NOXRED1: variants seen among roughly 807,000 people sequenced by gnomAD.
NOXRED1 encodes NADP dependent oxidoreductase domain containing 1.
NOXRED1 carries 20 observed loss-of-function variants against 30.4 expected under a neutral mutation model. That is an observed-to-expected ratio of 0.66 (90% CI 0.46 to 0.96). The LOEUF is 0.96. Ranked by LOEUF, NOXRED1 falls within the 40% of genes least tolerant of loss-of-function variation. The pLI is 0.00. For missense variants in NOXRED1, 374 were observed against 428.0 expected, an observed-to-expected ratio of 0.87 and a Z score of 1.11; for synonymous variants, 155 against 168.0, an observed-to-expected ratio of 0.92 and a Z score of 0.60.
upstream of NOXRED1, among the ~76,000 whole-genome samples, chr14:77,424,748 T>C (rs114302239): frequency 1.4e-3 from 206 of 152,356 alleles, no homozygotes; most frequent in African/African-American, 4.6e-3. Flanking sequence ...TTTTGTATTA[T>C]GTCACCTTGG....
chr14:77,400,383 A>G (rs1894295510), intron 5 of NOXRED1, among the ~76,000 whole-genome samples: 1 of 152,248 alleles, frequency 6.6e-6, no homozygotes, highest in Non-Finnish European at 1.5e-5. Flanking sequence ...CAGTCAATTT[A>G]GAAAGTTTAT....
At chr14:77,422,221 A>C (rs759575359) in intron 1 of NOXRED1, among the ~76,000 whole-genome samples, 2 of 152,204 alleles carry the variant, frequency 1.3e-5, no homozygotes, top group Non-Finnish European at 2.9e-5. Context: ...CTGAAGCCAT[A>C]TTGTAGAAAG....
At chr14:77,403,877 G>A (rs571336133) in intron 5 of NOXRED1, among the ~76,000 whole-genome samples, 3 of 152,070 alleles carry the variant, frequency 2.0e-5, no homozygotes, top group Non-Finnish European at 2.9e-5. Flanking sequence ...TCTAGAAGCT[G>A]AAAGACAATG....
upstream of NOXRED1, among the ~76,000 whole-genome samples, chr14:77,423,809 G>A (rs1020385916): frequency 5.9e-5 from 9 of 151,952 alleles, no homozygotes; most frequent in African/African-American, 2.2e-4. Context: ...CCTTCTTTTT[G>A]TGTTCAAGAA....
At chr14:77,414,574 T>G (rs1489899296) in intron 1 of NOXRED1, among the ~76,000 whole-genome samples, 2 of 152,224 alleles carry the variant, frequency 1.3e-5, no homozygotes, top group Non-Finnish European at 2.9e-5. Flanking sequence ...ACATTTCAAC[T>G]GTGTGTCATT....
At chr14:77,411,446 G>A (rs1894646089) in intron 2 of NOXRED1, among the ~76,000 whole-genome samples, 1 of 148,802 alleles carries the variant, frequency 6.7e-6, no homozygotes, top group Non-Finnish European at 1.5e-5. Flanking sequence ...CTCCAGCCTG[G>A]GTGACAGAGT....
At chr14:77,412,031 G>A (rs1054698995) in intron 2 of NOXRED1, among the ~76,000 whole-genome samples, 11 of 147,848 alleles carry the variant, frequency 7.4e-5, no homozygotes, top group African/African-American at 2.3e-4. Context: ...GGAGGCAGAG[G>A]TTGCAGTGAG....
chr14:77,408,892 A>ATTTTTTTTTTTTATTTTTTTTTT (rs1894557117), intron 2 of NOXRED1, among the ~76,000 whole-genome samples: 1 of 68,152 alleles, frequency 1.5e-5, no homozygotes, highest in Non-Finnish European at 2.7e-5. Flanking sequence ...CTGGTAGTTA[A>ATTTTTTTTTTTTATTTTTTTTTT]TTTTTTTTTT....
At chr14:77,404,751 T>C (rs1320149590) in intron 5 of NOXRED1, among the ~76,000 whole-genome samples, 5 of 151,710 alleles carry the variant, frequency 3.3e-5, no homozygotes. Flanking sequence ...ACGGGAGGGA[T>C]CATGACAGCC....
At position 77,401,471 on chromosome 14, in the gene NOXRED1, G is replaced by T. The variant is rs1037000949; in HGVS notation, c.905+4442C>A. On this transcript the variant is annotated intron_variant, in intron 5 of 5. Coordinates refer to ENST00000380835, the MANE Select transcript of NOXRED1 (RefSeq NM_001113475.3). Reference sequence around the variant, plus strand: ...AGCACTTTGGGAGGCTGAGGCAGGAGGATCACTTGAGGCCAGGAGCTTGAG... The same window carrying T: ...AGCACTTTGGGAGGCTGAGGCAGGATGATCACTTGAGGCCAGGAGCTTGAG... Among the ~76,000 whole-genome samples, 13 of 152,302 alleles carry T rather than the reference G, an allele frequency of 8.5e-5. No homozygotes were observed. In the East Asian group the frequency reaches 2.3e-3, roughly 27 times the overall value.
chr14:77,402,626 C>T (rs1203832236), intron 5 of NOXRED1, among the ~76,000 whole-genome samples: 1 of 151,820 alleles, frequency 6.6e-6, no homozygotes, highest in Non-Finnish European at 1.5e-5. Flanking sequence ...AAGAGCAAAC[C>T]TCCGTCTCAA....
intron 3 of NOXRED1, among the ~76,000 whole-genome samples, chr14:77,407,129 T>C (rs1894490232): frequency 6.6e-6 from 1 of 152,218 alleles, no homozygotes; most frequent in African/African-American, 2.4e-5. Flanking sequence ...GACACATACT[T>C]TCAGTAACTT....
rs554660644 is a variant in NOXRED1, at chr14:77,403,031, G to A, written c.905+2882C>T. Among the ~76,000 whole-genome samples the A allele has an allele frequency of 1.6e-3, 235 of 151,416 alleles. 2 individuals carry two copies. Among genetic ancestry groups the A allele is most frequent in the Middle Eastern group, 0.014 (4 of 294 alleles). On this transcript the variant is annotated intron_variant, in intron 5 of 5. Transcript: ENST00000380835. ...GCTTGGGCAACAGAAGTGAAACTCCGTCTCAGAAAAAAAAAAGAATACAAG... is the reference window on the plus strand; with the variant it reads ...GCTTGGGCAACAGAAGTGAAACTCCATCTCAGAAAAAAAAAAGAATACAAG...
At chr14:77,425,335 C>T (rs140375555), upstream of NOXRED1, among the ~76,000 whole-genome samples, 218 of 152,266 alleles carry the variant, frequency 1.4e-3, 1 homozygote, top group African/African-American at 5.0e-3. Flanking sequence ...TTTCTCTAAA[C>T]AGGTCAGAGA....
chr14:77,416,473 A>G (rs1236476686), intron 1 of NOXRED1, among the ~76,000 whole-genome samples: 1 of 152,162 alleles, frequency 6.6e-6, no homozygotes, highest in African/African-American at 2.4e-5. Context: ...AATCCATTCA[A>G]CCCTGAGTGG....
At chr14:77,406,677 AG>A (rs1366098335) in intron 4 of NOXRED1, 46 bp downstream of exon 4, 2 of 1,574,218 alleles carry the variant, frequency 1.3e-6, no homozygotes, top group African/African-American at 2.7e-5. Flanking sequence ...ATGGGCCAAC[AG>A]GAAAGTAATT....
intron 1 of NOXRED1, among the ~76,000 whole-genome samples, chr14:77,415,627 T>TAGACAGACAGACAGAC (rs796217339): frequency 1.0e-4 from 14 of 135,912 alleles, no homozygotes; most frequent in African/African-American, 3.7e-4. Context: ...GATAGATAGA[T>TAGACAGACAGACAGAC]AGATAGACAG....
At chr14:77,408,394 C>T (rs1469390503) in intron 2 of NOXRED1, among the ~76,000 whole-genome samples, 4 of 151,900 alleles carry the variant, frequency 2.6e-5, no homozygotes, top group African/African-American at 4.8e-5. Context: ...CAAGGTCTCA[C>T]TATGTTGCCT....
intron 1 of NOXRED1, among the ~76,000 whole-genome samples, chr14:77,422,198 C>A (rs1444530201): frequency 6.6e-6 from 1 of 152,160 alleles, no homozygotes; most frequent in Non-Finnish European, 1.5e-5. Flanking sequence ...ACACACATTT[C>A]CTATTTAAGT....
Sources: allele counts gnomAD v4.1 joint callset (sites outside exome capture counted in the v4.1 genomes callset), GRCh38; gene constraint gnomAD v4.1.1; transcripts MANE v1.5; gene names NCBI Gene and HGNC (gene_info 2026-07-23, HGNC 2026-07-21).